FAM135A: variants seen among roughly 807,000 people sequenced by gnomAD.
FAM135A encodes the protein protein FAM135A.
Under a neutral mutation model 146.8 loss-of-function variants are expected in FAM135A, and 79 were observed. The ratio of observed to expected loss-of-function variants is 0.54; its 90% CI spans 0.45 to 0.65. FAM135A has a LOEUF of 0.65. Ranked by LOEUF, FAM135A falls within the 30% of genes least tolerant of loss-of-function variation. The pLI, the probability that FAM135A is intolerant of heterozygous loss-of-function variation, is 0.00. For synonymous variants in FAM135A, 562 were observed against 603.6 expected, an observed-to-expected ratio of 0.93 and a Z score of 1.01; for missense variants, 1,623 against 1,758.2, an observed-to-expected ratio of 0.92 and a Z score of 1.38.
chr6:70,452,707 TG>T, intron 5 of FAM135A, 136 bp downstream of exon 5: 1 of 580,356 alleles, frequency 1.7e-6, no homozygotes, highest in South Asian at 3.1e-5. Flanking sequence ...GAAATATATT[TG>T]GGGACTCAGT....
intron 21 of FAM135A, 92 bp from the exon 22 acceptor site, chr6:70,559,624 T>A (rs761610552): frequency 9.2e-7 from 1 of 1,081,256 alleles, no homozygotes; most frequent in East Asian, 2.7e-5. Context: ...ATAATGTAAC[T>A]AAATTTTATA....
chr6:70,434,508 A>T (rs550923434), intron 4 of FAM135A, among the ~76,000 whole-genome samples: 3,833 of 152,282 alleles, frequency 0.025, 165 homozygotes, highest in African/African-American at 0.088. Flanking sequence ...TACCAAAAAA[A>T]AGTTAGTTAA....
At chr6:70,472,161 G>A (rs2128140600) in intron 5 of FAM135A, among the ~76,000 whole-genome samples, 1 of 152,282 alleles carries the variant, frequency 6.6e-6, no homozygotes, top group Admixed American at 6.5e-5. Context: ...AAGTTATATG[G>A]AAGTATTGAG....
chr6:70,445,710 G>T (rs925653769), intron 4 of FAM135A, among the ~76,000 whole-genome samples: 1 of 152,216 alleles, frequency 6.6e-6, no homozygotes, highest in South Asian at 2.1e-4. Context: ...CCCTGGGTGG[G>T]CCAGGTGTTC....
At chr6:70,455,863 T>G (rs923323726) in intron 5 of FAM135A, among the ~76,000 whole-genome samples, 4 of 152,054 alleles carry the variant, frequency 2.6e-5, no homozygotes, top group Admixed American at 1.3e-4. Flanking sequence ...TATTAATTCA[T>G]TTTTTTTGAA....
Position 70,524,940 on chromosome 6 carries a change from A to C in FAM135A, c.1856A>C (p.Asp619Ala). ...AATTTGTCCATTTCAGGTAAACTTG[A>C]TATCTCCCAGGACGATAGTGAAATT... ...CANLSISGKL[D>A]ISQDDSEITQ... is the part of the protein sequence containing the mutation. The change falls in exon 15 of 22, where the codon GAT becomes GCT. Residue 619 changes from aspartate (D) to alanine (A), a missense_variant. Coordinates refer to ENST00000418814, the MANE Select transcript of FAM135A (RefSeq NM_001162529.3). 2 of 1,611,486 alleles carry C rather than the reference A, an allele frequency of 1.2e-6. No homozygotes were observed. Among genetic ancestry groups the C allele is most frequent in the Non-Finnish European group, 1.7e-6 (2 of 1,179,006 alleles).
intron 12 of FAM135A, among the ~76,000 whole-genome samples, chr6:70,512,120 G>C (rs576550261): frequency 6.6e-6 from 1 of 152,000 alleles, no homozygotes; most frequent in South Asian, 2.1e-4. Context: ...TTTTCGGTCA[G>C]TTCCTACACC....
At chr6:70,471,632 G>T (rs1354509792) in intron 5 of FAM135A, among the ~76,000 whole-genome samples, 4 of 152,114 alleles carry the variant, frequency 2.6e-5, no homozygotes, top group Non-Finnish European at 5.9e-5. Context: ...CCTGATAACT[G>T]TGGGATGGGA....
At position 70,522,485 on chromosome 6, in the gene FAM135A, A is replaced by G. The variant is rs754425057; in HGVS notation, c.1030-28A>G. 5.6e-6 allele frequency: 9 copies of G among 1,604,646 alleles called. No individual in the cohort carries two copies. The South Asian group carries it at 8.8e-5, about 16-fold the overall frequency. The stretch of plus-strand genomic sequence containing the variant: ...ATTGACTTTTTAAATACGTCATGTT[A>G]TTAATACTCTCCTTTGGAATTTTTT... On this transcript the variant is annotated intron_variant, in intron 12 of 21. Transcript: ENST00000418814.
chr6:70,550,297 T>C (rs1799581695), intron 20 of FAM135A, among the ~76,000 whole-genome samples: 3 of 152,358 alleles, frequency 2.0e-5, no homozygotes, highest in South Asian at 2.1e-4. Flanking sequence ...CATTTTACTT[T>C]GCTCAGATCC....
chr6:70,540,457 T>C (rs946785303), intron 20 of FAM135A, among the ~76,000 whole-genome samples: 2 of 151,566 alleles, frequency 1.3e-5, no homozygotes, highest in Admixed American at 1.3e-4. Context: ...CCTGAGTAGC[T>C]GGGACTACAG....
chr6:70,419,619 G>A (rs1768329236), intron 2 of FAM135A, among the ~76,000 whole-genome samples: 1 of 152,152 alleles, frequency 6.6e-6, no homozygotes, highest in South Asian at 2.1e-4. Context: ...ATAGTATGCA[G>A]ATTACGTGTT....
intron 12 of FAM135A, among the ~76,000 whole-genome samples, chr6:70,513,523 A>G (rs1791525662): frequency 6.6e-6 from 1 of 151,368 alleles, no homozygotes; most frequent in Admixed American, 6.6e-5. Flanking sequence ...CTTCCTATCT[A>G]GCTCCCCTTT....
At chr6:70,442,849 T>C (rs1379980133) in intron 4 of FAM135A, among the ~76,000 whole-genome samples, 1 of 152,208 alleles carries the variant, frequency 6.6e-6, no homozygotes, top group African/African-American at 2.4e-5. Context: ...CTAAGAGATA[T>C]TTCATATTCC....
At chr6:70,487,665 T>C (rs1784952219) in intron 10 of FAM135A, among the ~76,000 whole-genome samples, 1 of 152,170 alleles carries the variant, frequency 6.6e-6, no homozygotes. Flanking sequence ...TAGTATTATA[T>C]TCTCATATAA....
chr6:70,506,351 A>T (rs1019248724), intron 12 of FAM135A, among the ~76,000 whole-genome samples: 7 of 152,150 alleles, frequency 4.6e-5, no homozygotes, highest in Non-Finnish European at 8.8e-5. Context: ...CTATGCTGTA[A>T]AACAAGAATC....
chr6:70,441,289 G>A (rs1774407363), intron 4 of FAM135A, among the ~76,000 whole-genome samples: 1 of 152,136 alleles, frequency 6.6e-6, no homozygotes, highest in African/African-American at 2.4e-5. Context: ...TCAGGAGGCT[G>A]AGATGGGAGA....
chr6:70,413,746 C>G (rs948485375), intron 1 of FAM135A, 44 bp downstream of exon 1: 1 of 954,476 alleles, frequency 1.0e-6, no homozygotes, highest in African/African-American at 1.8e-5. Flanking sequence ...GCTCCCGACA[C>G]CCACGACCCC....
At chr6:70,475,139 T>C (rs1295349815) in intron 5 of FAM135A, among the ~76,000 whole-genome samples, 1 of 152,248 alleles carries the variant, frequency 6.6e-6, no homozygotes, top group African/African-American at 2.4e-5. Flanking sequence ...TACAGATCAG[T>C]TGTTCACTCT....
Sources: allele counts gnomAD v4.1 joint callset (sites outside exome capture counted in the v4.1 genomes callset), GRCh38; gene constraint gnomAD v4.1.1; transcripts MANE v1.5; gene names NCBI Gene and HGNC (gene_info 2026-07-23, HGNC 2026-07-21).